Variants in FOXP2 observed in about 807,000 individuals in gnomAD.
FOXP2 encodes the protein forkhead box protein P2.
Under a neutral mutation model 115.8 loss-of-function variants are expected in FOXP2, and 12 were observed. That is an observed-to-expected ratio of 0.10 (90% CI 0.07 to 0.17). The LOEUF (loss-of-function observed/expected upper bound fraction) is 0.17. Ranked by LOEUF, FOXP2 falls within the 10% of genes least tolerant of loss-of-function variation. The pLI is 1.00. For missense variants in FOXP2, 629 were observed against 843.5 expected (o/e 0.75, Z 3.15); for synonymous variants, 328 against 297.7 (o/e 1.10, Z -1.05).
chr7:114,633,460 A>G (rs1458774797), intron 6 of FOXP2, among the ~76,000 whole-genome samples: 2 of 152,228 alleles, frequency 1.3e-5, no homozygotes, highest in Non-Finnish European at 1.5e-5. Flanking sequence ...ATCTGAAAAC[A>G]TCTGTCTTTG....
chr7:114,500,301 T>C (rs1339175100), intron 2 of FOXP2, among the ~76,000 whole-genome samples: 2 of 151,538 alleles, frequency 1.3e-5, no homozygotes, highest in Admixed American at 6.6e-5. Flanking sequence ...GGCTCAAGGA[T>C]TTTTTCGTCG....
intron 1 of FOXP2, among the ~76,000 whole-genome samples, chr7:114,259,896 T>C (rs960827208): frequency 3.3e-5 from 5 of 152,082 alleles, no homozygotes; most frequent in African/African-American, 1.2e-4. Flanking sequence ...ATTTTTGTTG[T>C]TGTTGTTGTT....
chr7:114,319,601 G>T (rs1017909794), intron 2 of FOXP2, among the ~76,000 whole-genome samples: 1 of 152,080 alleles, frequency 6.6e-6, no homozygotes, highest in East Asian at 1.9e-4. Context: ...GCTCTATTGA[G>T]ACCCATTCAC....
chr7:114,247,689 A>G (rs1795322572), intron 1 of FOXP2, among the ~76,000 whole-genome samples: 1 of 152,198 alleles, frequency 6.6e-6, no homozygotes, highest in Non-Finnish European at 1.5e-5. Context: ...TTGCATGTTT[A>G]TAGTCCACTT....
At chr7:114,439,870 G>A (rs1335784722) in intron 2 of FOXP2, among the ~76,000 whole-genome samples, 1 of 151,978 alleles carries the variant, frequency 6.6e-6, no homozygotes, top group Non-Finnish European at 1.5e-5. Flanking sequence ...CACCACACCT[G>A]GCCTACATTA....
At chr7:114,347,532 A>G (rs1176586806) in intron 2 of FOXP2, among the ~76,000 whole-genome samples, 1 of 152,068 alleles carries the variant, frequency 6.6e-6, no homozygotes, top group Non-Finnish European at 1.5e-5. Flanking sequence ...GAAAGTTGGC[A>G]TTCAGACATA....
intron 2 of FOXP2, among the ~76,000 whole-genome samples, chr7:114,322,375 G>T (rs1377121220): frequency 6.6e-6 from 1 of 151,752 alleles, no homozygotes; most frequent in Non-Finnish European, 1.5e-5. Context: ...TTTAAGCTGG[G>T]TGTGGTGGCT....
intron 6 of FOXP2, among the ~76,000 whole-genome samples, chr7:114,633,537 G>A (rs1805036040): frequency 6.6e-6 from 1 of 152,026 alleles, no homozygotes; most frequent in South Asian, 2.1e-4. Flanking sequence ...CATTAATATA[G>A]GTTAAAAAAA....
At chr7:114,319,281 G>A (rs1257555494) in intron 2 of FOXP2, among the ~76,000 whole-genome samples, 1 of 152,182 alleles carries the variant, frequency 6.6e-6, no homozygotes, top group East Asian at 1.9e-4. Flanking sequence ...CTGGGAGCCT[G>A]CCTTTGTGTT....
intron 2 of FOXP2, among the ~76,000 whole-genome samples, chr7:114,323,670 A>T (rs1185373086): frequency 6.6e-6 from 1 of 152,038 alleles, no homozygotes. Context: ...TAGCCATTTG[A>T]AAATAATTGC....
chr7:114,547,629 C>T lies in FOXP2; in HGVS notation c.258+12923C>T, dbSNP rs535663597. Among the ~76,000 whole-genome samples the T allele has an allele frequency of 1.1e-4, 16 of 152,202 alleles. No individual in the cohort carries two copies. In the South Asian group the frequency reaches 2.9e-3, roughly 28 times the overall value. ...AAAAAATTATCTGGGCGTGGTGGCA[C>T]GTGCCTGTAATCCCAGCAACTTGGG... On this transcript the variant is annotated intron_variant, in intron 3 of 16. Coordinates refer to ENST00000350908, the MANE Select transcript of FOXP2 (RefSeq NM_014491.4).
intron 2 of FOXP2, among the ~76,000 whole-genome samples, chr7:114,465,075 G>A (rs1372752726): frequency 6.6e-6 from 1 of 152,110 alleles, no homozygotes; most frequent in African/African-American, 2.4e-5. Flanking sequence ...ATTTAGGTAA[G>A]CTATCAATAT....
At chr7:114,214,727 C>G (rs1314774553) in intron 1 of FOXP2, among the ~76,000 whole-genome samples, 1 of 152,142 alleles carries the variant, frequency 6.6e-6, no homozygotes, top group African/African-American at 2.4e-5. Flanking sequence ...AAAACCCATT[C>G]TTTTCCTTCT....
At chr7:114,606,468 GC>G (rs1803336155) in intron 3 of FOXP2, among the ~76,000 whole-genome samples, 2 of 152,176 alleles carry the variant, frequency 1.3e-5, no homozygotes, top group South Asian at 4.1e-4. Context: ...GACCACCTGA[GC>G]TACTGTGATG....
intron 3 of FOXP2, among the ~76,000 whole-genome samples, chr7:114,623,242 T>C (rs1389130620): frequency 6.6e-6 from 1 of 152,086 alleles, no homozygotes; most frequent in Middle Eastern, 3.4e-3. Flanking sequence ...AGGAGCCTAA[T>C]GAACAATGGT....
At chr7:114,542,481 T>A (rs943293599) in intron 3 of FOXP2, among the ~76,000 whole-genome samples, 3 of 152,176 alleles carry the variant, frequency 2.0e-5, no homozygotes, top group African/African-American at 7.2e-5. Context: ...CCTGGAACCC[T>A]AAGGCTTTTT....
chr7:114,120,760 A>T (rs1791541581), intron 1 of FOXP2, among the ~76,000 whole-genome samples: 1 of 151,970 alleles, frequency 6.6e-6, no homozygotes, highest in African/African-American at 2.4e-5. Context: ...GACCGCAGTT[A>T]TATGAGAAAA....
At chr7:114,098,933 T>G (rs144645995) in intron 1 of FOXP2, among the ~76,000 whole-genome samples, 10 of 152,026 alleles carry the variant, frequency 6.6e-5, no homozygotes, top group Admixed American at 1.3e-4. Flanking sequence ...ATCCCAGGAG[T>G]GGGATCACAT....
upstream of FOXP2, among the ~76,000 whole-genome samples, chr7:114,161,242 A>G (rs976631710): frequency 6.6e-6 from 1 of 152,206 alleles, no homozygotes; most frequent in Non-Finnish European, 1.5e-5. Flanking sequence ...AAAGAAAACA[A>G]AACACCTACT....
Sources: allele counts gnomAD v4.1 joint callset (sites outside exome capture counted in the v4.1 genomes callset), GRCh38; gene constraint gnomAD v4.1.1; transcripts MANE v1.5; gene names NCBI Gene and HGNC (gene_info 2026-07-23, HGNC 2026-07-21).